Variants in PARD3 observed in about 807,000 individuals in gnomAD.
PARD3 encodes the protein par-3 family cell polarity regulator.
PARD3 carries 75 observed loss-of-function variants against 155.4 expected under a neutral mutation model. The ratio of observed to expected loss-of-function variants is 0.48; its 90% CI spans 0.40 to 0.58. The LOEUF (loss-of-function observed/expected upper bound fraction) is 0.58. Among genes scored for constraint, PARD3 ranks in the 20% least tolerant of loss-of-function variants. The pLI is 0.00. For synonymous variants in PARD3, 576 were observed against 610.5 expected, an observed-to-expected ratio of 0.94 and a Z score of 0.83; for missense variants, 1,642 against 1,721.7, an observed-to-expected ratio of 0.95 and a Z score of 0.82.
At chr10:34,150,667 C>T (rs1054997466) in intron 22 of PARD3, among the ~76,000 whole-genome samples, 1 of 152,106 alleles carries the variant, frequency 6.6e-6, no homozygotes, top group African/African-American at 2.4e-5. Flanking sequence ...CCAGCTGGGC[C>T]TCAGGCTTGG....
chr10:34,312,317 T>C, intron 20 of PARD3: 2 of 1,610,250 alleles, frequency 1.2e-6, no homozygotes, highest in Non-Finnish European at 1.7e-6. Flanking sequence ...GTGCAATATG[T>C]GCTGTTCAAG....
At chr10:34,245,380 C>G (rs1192031159) in intron 22 of PARD3, among the ~76,000 whole-genome samples, 1 of 152,048 alleles carries the variant, frequency 6.6e-6, no homozygotes, top group Non-Finnish European at 1.5e-5. Flanking sequence ...AGCAGTGCTT[C>G]CCTAGAATGA....
chr10:34,634,784 C>T (rs2092406110), intron 2 of PARD3, among the ~76,000 whole-genome samples: 1 of 152,188 alleles, frequency 6.6e-6, no homozygotes, highest in Admixed American at 6.5e-5. Context: ...GTACCATTTC[C>T]AGAACTGGGA....
rs187522790 is a variant in PARD3 at position 34,689,513 on chromosome 10, C to T, written c.222+6805G>A. Among the ~76,000 whole-genome samples the T allele has an allele frequency of 2.1e-3, 318 of 152,260 alleles. 1 individual carries two copies. Among genetic ancestry groups the T allele is most frequent in the Non-Finnish European group, 3.9e-3 (263 of 68,018 alleles). On this transcript the variant is annotated intron_variant, in intron 2 of 24. Coordinates refer to ENST00000374788, the MANE Select transcript of PARD3 (RefSeq NM_001184785.2). ...AAATAAAAAACGGCTTTAAAAGCTA[C>T]TTCAGTCTATGGTATAAGGTGCTCT...
intron 5 of PARD3, among the ~76,000 whole-genome samples, chr10:34,429,659 C>T (rs940613305): frequency 6.6e-6 from 1 of 152,084 alleles, no homozygotes; most frequent in African/African-American, 2.4e-5. Context: ...GATCTCAGTT[C>T]ACCACAACCT....
chr10:34,215,940 C>T (rs1951982965), intron 22 of PARD3, among the ~76,000 whole-genome samples: 1 of 152,150 alleles, frequency 6.6e-6, no homozygotes, highest in Non-Finnish European at 1.5e-5. Flanking sequence ...GTATTGTATA[C>T]ACTTTTTGCA....
At chr10:34,159,895 A>G (rs1949192476) in intron 22 of PARD3, among the ~76,000 whole-genome samples, 1 of 152,240 alleles carries the variant, frequency 6.6e-6, no homozygotes, top group African/African-American at 2.4e-5. Flanking sequence ...TCATCCCTGC[A>G]TGAATCTGCC....
Position 34,130,584 on chromosome 10 carries a change from T to C in PARD3, c.3540+879A>G, listed in dbSNP as rs553730451. 2.6e-5 allele frequency among the ~76,000 whole-genome samples: 4 copies of C among 152,174 alleles called. No individual in the cohort carries two copies. The South Asian group carries it at 8.3e-4, about 32-fold the overall frequency. On this transcript the variant is annotated intron_variant, in intron 23 of 24. Coordinates refer to ENST00000374788, the MANE Select transcript of PARD3 (RefSeq NM_001184785.2). Reference sequence around the variant, plus strand: ...TCAAACTCCCCATCATCTCAAAAAATCTGTCCCAACCCCTCCACTCTCAGA... The same window carrying C: ...TCAAACTCCCCATCATCTCAAAAAACCTGTCCCAACCCCTCCACTCTCAGA...
chr10:34,380,899 T>C (rs1841754861), intron 9 of PARD3, among the ~76,000 whole-genome samples: 1 of 152,188 alleles, frequency 6.6e-6, no homozygotes, highest in South Asian at 2.1e-4. Flanking sequence ...GTTCTTGATA[T>C]GTTTTTGGTT....
At chr10:34,649,101 T>C (rs775230852) in intron 2 of PARD3, among the ~76,000 whole-genome samples, 13 of 152,132 alleles carry the variant, frequency 8.5e-5, no homozygotes, top group Non-Finnish European at 1.6e-4. Flanking sequence ...AGGCCAGGCA[T>C]GACATGAGCA....
At chr10:34,503,884 G>T (rs528122511) in intron 3 of PARD3, among the ~76,000 whole-genome samples, 23 of 152,324 alleles carry the variant, frequency 1.5e-4, no homozygotes, top group Middle Eastern at 6.8e-3. Flanking sequence ...CAAGAAAGGA[G>T]AAATAGTAGA....
chr10:34,710,163 T>G (rs180809831), intron 1 of PARD3, among the ~76,000 whole-genome samples: 133 of 152,300 alleles, frequency 8.7e-4, no homozygotes, highest in African/African-American at 2.8e-3. Context: ...GGGAACTAGC[T>G]ATACACGTAA....
At chr10:34,559,045 C>G (rs980835372) in intron 2 of PARD3, among the ~76,000 whole-genome samples, 6 of 151,788 alleles carry the variant, frequency 4.0e-5, no homozygotes, top group African/African-American at 1.5e-4. Context: ...TCATTTTTCC[C>G]CCCCACAGAA....
In PARD3 at chr10:34,553,972, C is replaced by T. The variant is rs554650710; in HGVS notation, c.223-36813G>A. On this transcript the variant is annotated intron_variant, in intron 2 of 24. Coordinates refer to ENST00000374788, the MANE Select transcript of PARD3 (RefSeq NM_001184785.2). ...GATGCATTTAATGCACAAATGCCAGCAATTCCAGGCCAGGATACAAAAATT... is the reference window on the plus strand; with the variant it reads ...GATGCATTTAATGCACAAATGCCAGTAATTCCAGGCCAGGATACAAAAATT... Among the ~76,000 whole-genome samples, 4 of 152,254 alleles carry T rather than the reference C, an allele frequency of 2.6e-5. No homozygotes were observed. In the East Asian group the frequency reaches 5.8e-4, roughly 22 times the overall value.
chr10:34,431,896 G>T (rs1241325514), intron 5 of PARD3, among the ~76,000 whole-genome samples: 1 of 150,584 alleles, frequency 6.6e-6, no homozygotes, highest in Admixed American at 6.6e-5. Flanking sequence ...AAAAAAATTA[G>T]CTGGGCGTGG....
chr10:34,607,353 G>A (rs546435027), intron 2 of PARD3, among the ~76,000 whole-genome samples: 15 of 152,266 alleles, frequency 9.9e-5, no homozygotes, highest in Admixed American at 2.0e-4. Flanking sequence ...ATAAGAAGAT[G>A]ACAACCTCCT....
At chr10:34,726,763 C>CA (rs1057196578) in intron 1 of PARD3, among the ~76,000 whole-genome samples, 229 of 124,824 alleles carry the variant, frequency 1.8e-3, no homozygotes, top group African/African-American at 5.4e-3. Flanking sequence ...ACTCCATCTC[C>CA]AAAAAAAAAA....
chr10:34,754,226 G>A (rs1299379780), intron 1 of PARD3, among the ~76,000 whole-genome samples: 2 of 152,090 alleles, frequency 1.3e-5, no homozygotes, highest in Non-Finnish European at 2.9e-5. Flanking sequence ...GGCTGGATTT[G>A]AACTCCTGGC....
intron 1 of PARD3, among the ~76,000 whole-genome samples, chr10:34,804,068 C>T (rs1175155222): frequency 4.1e-5 from 6 of 147,214 alleles, no homozygotes; most frequent in African/African-American, 1.5e-4. Flanking sequence ...AAGTCTCGCT[C>T]TATCGCCAAG....
Sources: allele counts gnomAD v4.1 joint callset (sites outside exome capture counted in the v4.1 genomes callset), GRCh38; gene constraint gnomAD v4.1.1; transcripts MANE v1.5; gene names NCBI Gene and HGNC (gene_info 2026-07-23, HGNC 2026-07-21).